The following TXNRD2 variants were observed in gnomAD, a reference collection of about 807,000 sequenced individuals.
TXNRD2 encodes the protein thioredoxin reductase 2.
TXNRD2 carries 67 observed loss-of-function variants against 70.8 expected under a neutral mutation model. The ratio of observed to expected loss-of-function variants is 0.95; its 90% CI spans 0.78 to 1.16. TXNRD2 has a LOEUF of 1.16. Ranked by LOEUF, TXNRD2 falls within the 50% of genes most tolerant of loss-of-function variation. The probability of loss-of-function intolerance (pLI) is 0.00; values close to 1 mark genes in which losing one functional copy is unlikely to be tolerated. For missense variants in TXNRD2, 644 were observed against 719.9 expected (o/e 0.89, Z 1.21); for synonymous variants, 301 against 295.8 (o/e 1.02, Z -0.18).
At position 19,880,649 on chromosome 22, in the gene TXNRD2, C is replaced by G. The variant is rs370957634; in HGVS notation, c.1155G>C (p.Gly385=). The G allele has an allele frequency of 3.0e-5, 48 of 1,613,334 alleles. No individual in the cohort carries two copies. The African/African-American group carries it at 5.5e-4, about 18-fold the overall frequency. ...GRLLVQRLFG[G]SSDLMDYDNV... Reference sequence around the variant, plus strand: ...TGTCGTAGTCCATCAGATCTGAGGACCCGCCGAAGAGCCGCTGCACCAGGA... The same window carrying G: ...TGTCGTAGTCCATCAGATCTGAGGAGCCGCCGAAGAGCCGCTGCACCAGGA... The change falls in exon 13 of 18, where the codon GGG becomes GGC. Residue 385 remains glycine (G), a synonymous_variant. Coordinates refer to ENST00000400521, the MANE Select transcript of TXNRD2 (RefSeq NM_006440.5).
intron 11 of TXNRD2, among the ~76,000 whole-genome samples, chr22:19,890,158 G>A (rs1041945610): frequency 6.6e-6 from 1 of 152,190 alleles, no homozygotes; most frequent in Non-Finnish European, 1.5e-5. Flanking sequence ...CCATGAGCTA[G>A]GGCTGAGCCA....
intron 11 of TXNRD2, among the ~76,000 whole-genome samples, chr22:19,887,053 C>T (rs901172356): frequency 6.6e-6 from 1 of 152,238 alleles, no homozygotes; most frequent in Admixed American, 6.5e-5. Flanking sequence ...ATTTGCACTT[C>T]TTTGATGACT....
chr22:19,937,745 AAC>A (rs2146108856), intron 1 of TXNRD2, among the ~76,000 whole-genome samples: 1 of 152,324 alleles, frequency 6.6e-6, no homozygotes, highest in African/African-American at 2.4e-5. Flanking sequence ...CGGCTCAACA[AAC>A]ACGGCCAAAT....
In TXNRD2 at chr22:19,880,680, C is replaced by T. The variant is rs1294156190; in HGVS notation, c.1124G>A (p.Gly375Glu). 6.2e-7 allele frequency: 1 copy of T among 1,613,358 alleles called. No individual in the cohort carries two copies. The highest frequency in any genetic ancestry group is 1.7e-5 in the Admixed American group (1 of 60,030). Residue 375 changes from glycine to glutamate, a missense_variant, in exon 13 of 18, where the codon GGG becomes GAG. Gly to Glu is a moderately conservative substitution (Grantham distance 98). Coordinates refer to ENST00000400521, the MANE Select transcript of TXNRD2 (RefSeq NM_006440.5). ...PELTPIAIMA[G>E]RLLVQRLFGG... ...GAAGAGCCGCTGCACCAGGAGCCTC[C>T]CGGCCATGATCGCTATGGGTGTCAG...
In TXNRD2 at chr22:19,883,459, G is replaced by A. The variant is rs1188317890; in HGVS notation, c.952C>T (p.Arg318Ter). 7 of 1,614,010 alleles carry A rather than the reference G, an allele frequency of 4.3e-6. No individual in the cohort carries two copies. The highest frequency in any genetic ancestry group is 5.9e-6 in the Non-Finnish European group (7 of 1,180,036). ...TFDTVLWAIGRVPDTRSLNLE... is the reference protein window; with the variant it reads ...TFDTVLWAIG ...TTCAGACTTCTGGTGTCTGGGACTC[G>A]ACCTGAAGGAAACAGAGAGGGGGCT... Residue 318 changes from arginine (R) to a stop codon, truncating the protein, a stop_gained and splice_region_variant, in exon 12 of 18, where the codon CGA becomes TGA. Transcript: ENST00000400521. LOFTEE classifies it high-confidence loss of function.
intron 11 of TXNRD2, chr22:19,894,893 C>T: frequency 1.1e-6 from 1 of 905,340 alleles, no homozygotes. Context: ...GAGGCTGAGG[C>T]AGGAGAATCG....
intron 8 of TXNRD2, among the ~76,000 whole-genome samples, chr22:19,905,522 C>A (rs1939970472): frequency 6.6e-6 from 1 of 152,192 alleles, no homozygotes; most frequent in East Asian, 1.9e-4. Flanking sequence ...GCCCCCTCCC[C>A]AGGCCCAAGC....
rs1024569640 is a variant in TXNRD2, at chr22:19,880,204, G to A, written c.1250C>T (p.Ala417Val). 1 of 1,613,482 alleles carries A rather than the reference G, an allele frequency of 6.2e-7. No homozygotes were observed. The highest frequency in any genetic ancestry group is 8.5e-7 in the Non-Finnish European group (1 of 1,180,020). Residue 417 changes from alanine (A) to valine (V), a missense_variant, in exon 14 of 18, where the codon GCT becomes GTT. Transcript: ENST00000400521. The part of the protein sequence containing the change: ...CVGLSEEEAV[A>V]RHGQEHVEVY... ...CTCAACATGCTCCTGCCCGTGGCGA[G>A]CCACTGCCTCCTCCTCGGACAGCCC...
At chr22:19,888,302 C>T (rs1939116557) in intron 11 of TXNRD2, among the ~76,000 whole-genome samples, 1 of 152,194 alleles carries the variant, frequency 6.6e-6, no homozygotes, top group Non-Finnish European at 1.5e-5. Context: ...AGCCACCATG[C>T]TTGTCCAGCC....
At chr22:19,917,999 GTCCTCATCCCCACCC>G in intron 5 of TXNRD2, 129 bp downstream of exon 5, 1 of 721,522 alleles carries the variant, frequency 1.4e-6, no homozygotes, top group African/African-American at 1.7e-5. Flanking sequence ...TCTGCTCCTT[GTCCTCATCCCCACCC>G]ATGAGCAGGA....
intron 10 of TXNRD2, among the ~76,000 whole-genome samples, chr22:19,897,113 C>A (rs760507684): frequency 6.6e-6 from 1 of 152,200 alleles, no homozygotes; most frequent in South Asian, 2.1e-4. Context: ...CCACAGGGCT[C>A]GGTGGGTTTG....
intron 2 of TXNRD2, among the ~76,000 whole-genome samples, chr22:19,922,259 TTTTTTA>T (rs1484670793): frequency 1.3e-5 from 2 of 152,202 alleles, no homozygotes; most frequent in African/African-American, 2.4e-5. Flanking sequence ...TATTCCATAC[TTTTTTA>T]TTTTTATTTC....
At chr22:19,925,225 A>G (rs900198346) in intron 2 of TXNRD2, among the ~76,000 whole-genome samples, 7 of 151,938 alleles carry the variant, frequency 4.6e-5, no homozygotes, top group East Asian at 1.9e-4. Context: ...CAGAGCTTGC[A>G]GTGAGCTGAG....
intron 11 of TXNRD2, chr22:19,884,355 G>A (rs1938928088): frequency 6.6e-6 from 1 of 152,280 alleles, no homozygotes; most frequent in Non-Finnish European, 1.5e-5. Context: ...GAAAGGAAGA[G>A]GCACTTGCCA....
intron 8 of TXNRD2, among the ~76,000 whole-genome samples, chr22:19,904,972 GA>G (rs1301979752): frequency 2.6e-5 from 4 of 152,218 alleles, no homozygotes; most frequent in African/African-American, 7.2e-5. Context: ...AAATCTGGCA[GA>G]AACAGCCCCT....
intron 11 of TXNRD2, among the ~76,000 whole-genome samples, chr22:19,886,205 A>G (rs969905756): frequency 1.3e-5 from 2 of 152,224 alleles, no homozygotes; most frequent in Non-Finnish European, 2.9e-5. Context: ...TGGGGTTAGA[A>G]GCTGGGCTGG....
At chr22:19,926,111 C>T (rs1243345620) in intron 2 of TXNRD2, among the ~76,000 whole-genome samples, 6 of 148,116 alleles carry the variant, frequency 4.1e-5, no homozygotes, top group Non-Finnish European at 8.9e-5. Flanking sequence ...TGCGGTGAGC[C>T]GAGATTGTGC....
intron 11 of TXNRD2, among the ~76,000 whole-genome samples, chr22:19,890,401 G>A (rs553394592): frequency 2.6e-5 from 4 of 152,304 alleles, no homozygotes; most frequent in Admixed American, 1.3e-4. Context: ...CCTCCGATCC[G>A]TGTCACCTGC....
At chr22:19,882,917 G>C (rs1454376912) in intron 12 of TXNRD2, among the ~76,000 whole-genome samples, 1 of 152,270 alleles carries the variant, frequency 6.6e-6, no homozygotes, top group Non-Finnish European at 1.5e-5. Flanking sequence ...GGCGGGGCCA[G>C]GTGGGCCCGA....
Sources: allele counts gnomAD v4.1 joint callset (sites outside exome capture counted in the v4.1 genomes callset), GRCh38; gene constraint gnomAD v4.1.1; transcripts MANE v1.5; gene names NCBI Gene and HGNC (gene_info 2026-07-23, HGNC 2026-07-21).